The following GALNT17 variants were observed in gnomAD, a reference collection of about 807,000 sequenced individuals.
GALNT17 encodes the protein UDP-GalNAc:polypeptide N-acetylgalactosaminyltransferase-like 3.
A neutral mutation model predicts 63.7 loss-of-function variants in GALNT17; 29 were observed. The observed-to-expected ratio is 0.46, with a 90% CI of 0.34 to 0.62. GALNT17 has a LOEUF of 0.62. Ranked by LOEUF, GALNT17 falls within the 20% of genes least tolerant of loss-of-function variation. GALNT17 has a pLI of 0.01. For missense variants in GALNT17, 603 were observed against 799.6 expected, an observed-to-expected ratio of 0.75 and a Z score of 2.97; for synonymous variants, 305 against 318.3, an observed-to-expected ratio of 0.96 and a Z score of 0.45.
At chr7:71,192,046 G>A (rs921766110) in intron 1 of GALNT17, among the ~76,000 whole-genome samples, 3 of 152,148 alleles carry the variant, frequency 2.0e-5, no homozygotes, top group Non-Finnish European at 4.4e-5. Context: ...AGGCCCAAGA[G>A]CCCCTGGCAA....
chr7:71,711,566 CCTTT>C (rs964067646), intron 10 of GALNT17, among the ~76,000 whole-genome samples: 4 of 150,858 alleles, frequency 2.7e-5, no homozygotes, highest in African/African-American at 9.7e-5. Flanking sequence ...CCTCTCTCTC[CCTTT>C]CTCTCTTTCT....
rs1563128880 is a variant in GALNT17, at chr7:71,486,372, AT to A, written c.962+65268del. Among the ~76,000 whole-genome samples the A allele has an allele frequency of 1.6e-4, 23 of 145,976 alleles. 3 individuals carry two copies. The highest frequency in any genetic ancestry group is 8.3e-4 in the Admixed American group (12 of 14,522). ...AATAATAATAATAATAATAATAATA[AT>A]AATAATAATAATAATAGTAAATAAT... On this transcript the variant is annotated intron_variant, in intron 5 of 10. Transcript: ENST00000333538.
At chr7:71,397,380 C>G (rs990197911) in intron 3 of GALNT17, among the ~76,000 whole-genome samples, 10 of 152,048 alleles carry the variant, frequency 6.6e-5, no homozygotes, top group African/African-American at 2.4e-4. Context: ...CTGATCTTAT[C>G]AAGACCTACT....
chr7:71,352,797 G>C (rs768618922), intron 2 of GALNT17, among the ~76,000 whole-genome samples: 1 of 152,090 alleles, frequency 6.6e-6, no homozygotes, highest in Admixed American at 6.6e-5. Flanking sequence ...TGTGGAGAAG[G>C]AACAACTAAT....
intron 1 of GALNT17, among the ~76,000 whole-genome samples, chr7:71,294,993 G>A (rs1791052175): frequency 6.6e-6 from 1 of 152,094 alleles, no homozygotes; most frequent in African/African-American, 2.4e-5. Context: ...GTTTTCCTAT[G>A]TAATGCTTTT....
At position 71,483,253 on chromosome 7, in the gene GALNT17, C is replaced by A. The variant is rs1046531212; in HGVS notation, c.962+62148C>A. On this transcript the variant is annotated intron_variant, in intron 5 of 10. Transcript: ENST00000333538. ...TGGGAGGCCAAGGCAGGCGGATCAC[C>A]TGAGGTCAGGAGTTCAAGACCAGCC... is the stretch of plus-strand genomic sequence containing the variant. 2.6e-5 allele frequency among the ~76,000 whole-genome samples: 4 copies of A among 152,192 alleles called. No individual in the cohort carries two copies. In the East Asian group the frequency reaches 7.8e-4, roughly 30 times the overall value.
At chr7:71,554,349 A>G (rs1057489549) in intron 5 of GALNT17, among the ~76,000 whole-genome samples, 1 of 152,166 alleles carries the variant, frequency 6.6e-6, no homozygotes, top group Non-Finnish European at 1.5e-5. Context: ...GCCTGCCACC[A>G]TGTAAGACGT....
At chr7:71,245,848 G>GTTTTTTTT (rs542136452) in intron 1 of GALNT17, among the ~76,000 whole-genome samples, 7 of 122,882 alleles carry the variant, frequency 5.7e-5, no homozygotes, top group Non-Finnish European at 7.0e-5. Flanking sequence ...AAGAGAGCAG[G>GTTTTTTTT]TTTTTTTTTT....
At chr7:71,470,431 G>A (rs1787608837) in intron 5 of GALNT17, among the ~76,000 whole-genome samples, 1 of 152,052 alleles carries the variant, frequency 6.6e-6, no homozygotes, top group African/African-American at 2.4e-5. Flanking sequence ...ACAGGTCCTT[G>A]GCTTCGGTCA....
At chr7:71,279,526 A>G (rs1409407291) in intron 1 of GALNT17, among the ~76,000 whole-genome samples, 1 of 151,988 alleles carries the variant, frequency 6.6e-6, no homozygotes, top group Non-Finnish European at 1.5e-5. Flanking sequence ...TTACAAAGAC[A>G]GCAGCCATTG....
chr7:71,442,054 C>A (rs1018371222), intron 5 of GALNT17, among the ~76,000 whole-genome samples: 1 of 152,122 alleles, frequency 6.6e-6, no homozygotes, highest in African/African-American at 2.4e-5. Context: ...CTGGAGGAAT[C>A]GCCACACTGT....
chr7:71,677,254 C>T lies in GALNT17; in HGVS notation c.1448C>T (p.Pro483Leu), dbSNP rs1056333390. 3 of 1,614,006 alleles carry T rather than the reference C, an allele frequency of 1.9e-6. No individual in the cohort carries two copies. The highest frequency in any genetic ancestry group is 2.5e-6 in the Non-Finnish European group (3 of 1,179,980). Reference sequence around the variant, plus strand: ...AAAGACGTCTGCTTGGACCAGGGGCCGCTGGAGAACCACACAGCAATATTG... The same window carrying T: ...AAAGACGTCTGCTTGGACCAGGGGCTGCTGGAGAACCACACAGCAATATTG... Reference protein sequence around the residue: ...KAKDVCLDQGPLENHTAILYP... With the variant: ...KAKDVCLDQGLLENHTAILYP... Residue 483 changes from proline (P) to leucine (L), a missense_variant, in exon 9 of 11, where the codon CCG becomes CTG. Coordinates refer to ENST00000333538, the MANE Select transcript of GALNT17 (RefSeq NM_022479.3).
At chr7:71,376,704 C>T (rs1792735421) in intron 2 of GALNT17, among the ~76,000 whole-genome samples, 1 of 151,800 alleles carries the variant, frequency 6.6e-6, no homozygotes, top group African/African-American at 2.4e-5. Context: ...GTAATCCTGG[C>T]ACTTTGGGAG....
At chr7:71,193,092 T>C (rs1788983385) in intron 1 of GALNT17, among the ~76,000 whole-genome samples, 1 of 150,808 alleles carries the variant, frequency 6.6e-6, no homozygotes, top group South Asian at 2.1e-4. Context: ...TATTTATTTA[T>C]TTATTTATTT....
intron 6 of GALNT17, among the ~76,000 whole-genome samples, chr7:71,657,279 A>G (rs1021039968): frequency 6.6e-6 from 1 of 152,224 alleles, no homozygotes; most frequent in Non-Finnish European, 1.5e-5. Flanking sequence ...ATTTCTATAT[A>G]TCTAAATTTT....
At chr7:71,693,297 C>CATATATAT (rs1277874254) in intron 9 of GALNT17, among the ~76,000 whole-genome samples, 30 of 115,656 alleles carry the variant, frequency 2.6e-4, no homozygotes, top group African/African-American at 1.1e-3. Flanking sequence ...CACACACACA[C>CATATATAT]ACACACACAC....
At chr7:71,293,186 A>G (rs13230385) in intron 1 of GALNT17, among the ~76,000 whole-genome samples, 10 of 152,038 alleles carry the variant, frequency 6.6e-5, no homozygotes, top group Admixed American at 1.3e-4. Context: ...ATATTTCTCA[A>G]CATACTGATT....
At chr7:71,331,868 A>G (rs958032059) in intron 1 of GALNT17, among the ~76,000 whole-genome samples, 2 of 152,204 alleles carry the variant, frequency 1.3e-5, no homozygotes, top group African/African-American at 4.8e-5. Flanking sequence ...CCCACCACAT[A>G]GTGAGTACTG....
chr7:71,710,525 AG>A (rs1007430070), intron 9 of GALNT17, among the ~76,000 whole-genome samples: 7 of 152,172 alleles, frequency 4.6e-5, no homozygotes, highest in African/African-American at 1.7e-4. Flanking sequence ...AAAGGAAAAA[AG>A]ATCAGAGAGT....
Sources: allele counts gnomAD v4.1 joint callset (sites outside exome capture counted in the v4.1 genomes callset), GRCh38; gene constraint gnomAD v4.1.1; transcripts MANE v1.5; gene names NCBI Gene and HGNC (gene_info 2026-07-23, HGNC 2026-07-21).